The following XKR9 variants were observed in gnomAD, a reference collection of about 807,000 sequenced individuals.
XKR9 encodes the protein XK-related protein 9.
A neutral mutation model predicts 32.0 loss-of-function variants in XKR9; 32 were observed. That is an observed-to-expected ratio of 1.00 (90% CI 0.76 to 1.34). The LOEUF is 1.34. Among genes scored for constraint, XKR9 ranks in the 40% most tolerant of loss-of-function variants. XKR9 has a pLI of 0.00. For missense variants in XKR9, 546 were observed against 429.7 expected (o/e 1.27, Z -2.39); for synonymous variants, 168 against 143.4 (o/e 1.17, Z -1.22).
chr8:70,886,870 G>A, the XKR9 span, among the ~76,000 whole-genome samples: 8 of 152,082 alleles, frequency 5.3e-5, no homozygotes, highest in Non-Finnish European at 8.8e-5. Context: ...CTTTTGCTGA[G>A]CAGAAACTCT....
chr8:70,876,519 C>G, the XKR9 span, among the ~76,000 whole-genome samples: 1 of 151,730 alleles, frequency 6.6e-6, no homozygotes, highest in Non-Finnish European at 1.5e-5. Flanking sequence ...CTGTCCAGTG[C>G]AAAAAATGGT....
In XKR9 at chr8:70,699,099, C is replaced by A. The variant is rs557763321; in HGVS notation, c.273-7834C>A. On this transcript the variant is annotated intron_variant, in intron 3 of 4. Coordinates refer to ENST00000408926, the MANE Select transcript of XKR9 (RefSeq NM_001011720.2). ...GTGTCTCTGCACGTGAGATGGGTTT[C>A]CTGAATACAACACACTGATGGGTCT... is the stretch of plus-strand genomic sequence containing the variant. 7.3e-3 allele frequency among the ~76,000 whole-genome samples: 1,113 copies of A among 152,230 alleles called. 12 individuals are homozygous for A. The highest frequency in any genetic ancestry group is 0.013 in the Non-Finnish European group (857 of 68,018).
intron 2 of XKR9, among the ~76,000 whole-genome samples, chr8:70,770,411 G>A (rs1807437987): frequency 1.3e-5 from 2 of 152,176 alleles, no homozygotes; most frequent in Non-Finnish European, 2.9e-5. Flanking sequence ...CAGTCAGGAG[G>A]CAGTCTGTCT....
the XKR9 span, among the ~76,000 whole-genome samples, chr8:71,062,121 T>C: frequency 6.6e-6 from 1 of 152,164 alleles, no homozygotes; most frequent in African/African-American, 2.4e-5. Flanking sequence ...TCTCAGGCAT[T>C]TACATCTGCG....
At chr8:71,020,035 CTGAA>C in the XKR9 span, among the ~76,000 whole-genome samples, 1 of 152,168 alleles carries the variant, frequency 6.6e-6, no homozygotes, top group African/African-American at 2.4e-5. Context: ...AGGGCATTCA[CTGAA>C]TGCCAAACAT....
the XKR9 span, among the ~76,000 whole-genome samples, chr8:70,829,015 C>G: frequency 6.6e-6 from 1 of 152,138 alleles, no homozygotes; most frequent in Non-Finnish European, 1.5e-5. Context: ...GGAAATTCTC[C>G]CCTTGAGAGT....
the XKR9 span, among the ~76,000 whole-genome samples, chr8:71,019,561 A>C: frequency 2.0e-5 from 3 of 152,144 alleles, no homozygotes; most frequent in African/African-American, 7.2e-5. Context: ...TTTCCTTTAG[A>C]GTCTTTAGGA....
chr8:70,697,852 C>T (rs1401748501), intron 3 of XKR9, among the ~76,000 whole-genome samples: 3 of 152,052 alleles, frequency 2.0e-5, no homozygotes, highest in Non-Finnish European at 4.4e-5. Context: ...ATTATTGCCA[C>T]AATTTCAGCT....
At chr8:70,791,084 A>G (rs1206202343), downstream of XKR9, among the ~76,000 whole-genome samples, 2 of 152,094 alleles carry the variant, frequency 1.3e-5, no homozygotes, top group African/African-American at 4.8e-5. Context: ...CATAAATTTC[A>G]GGGGTGAGAT....
the XKR9 span, among the ~76,000 whole-genome samples, chr8:71,007,431 A>G: frequency 6.6e-6 from 1 of 152,170 alleles, no homozygotes; most frequent in Non-Finnish European, 1.5e-5. Context: ...GAAAAGAATT[A>G]AGGAATAAGA....
chr8:70,742,231 CT>C (rs1025265563), intron 2 of XKR9, among the ~76,000 whole-genome samples: 1 of 152,154 alleles, frequency 6.6e-6, no homozygotes, highest in African/African-American at 2.4e-5. Flanking sequence ...TAATATGTCC[CT>C]TATGCTACTC....
the XKR9 span, among the ~76,000 whole-genome samples, chr8:70,882,718 G>A: frequency 6.6e-6 from 1 of 151,778 alleles, no homozygotes; most frequent in South Asian, 2.1e-4. Context: ...TTAACATAGT[G>A]CACTAGTGTT....
the XKR9 span, among the ~76,000 whole-genome samples, chr8:70,937,322 G>A: frequency 4.5e-4 from 69 of 152,094 alleles, no homozygotes; most frequent in African/African-American, 1.6e-3. Context: ...CAAAATAAAT[G>A]TGAACAAACA....
chr8:70,857,054 A>G, the XKR9 span, among the ~76,000 whole-genome samples: 1 of 152,206 alleles, frequency 6.6e-6, no homozygotes, highest in Non-Finnish European at 1.5e-5. Context: ...TAACATCACA[A>G]TTAAAAGAAC....
At chr8:70,897,426 G>A in the XKR9 span, among the ~76,000 whole-genome samples, 4 of 152,076 alleles carry the variant, frequency 2.6e-5, no homozygotes, top group Non-Finnish European at 5.9e-5. Flanking sequence ...AATCATGGTA[G>A]CTCTATTTTT....
the XKR9 span, among the ~76,000 whole-genome samples, chr8:70,894,789 G>A: frequency 2.6e-5 from 4 of 152,062 alleles, no homozygotes; most frequent in East Asian, 1.9e-4. Context: ...TAGGTGAAAC[G>A]ACTCCACTTC....
At chr8:71,013,982 C>G in the XKR9 span, among the ~76,000 whole-genome samples, 1 of 152,082 alleles carries the variant, frequency 6.6e-6, no homozygotes, top group Non-Finnish European at 1.5e-5. Flanking sequence ...AGAGATAGAC[C>G]TGCCCCGATG....
the XKR9 span, among the ~76,000 whole-genome samples, chr8:70,953,448 A>T: frequency 6.6e-6 from 1 of 152,090 alleles, no homozygotes; most frequent in Non-Finnish European, 1.5e-5. Context: ...AGTAGCTAGG[A>T]CTACAGGTGT....
chr8:70,676,367 G>A (rs1818889323), intron 2 of XKR9, among the ~76,000 whole-genome samples: 1 of 152,162 alleles, frequency 6.6e-6, no homozygotes. Flanking sequence ...TTATATCATT[G>A]TCCTATTAAG....
Sources: gnomAD v4.1 joint callset for allele counts (sites outside exome capture counted in the v4.1 genomes callset) on GRCh38, gnomAD v4.1.1 for gene constraint, MANE v1.5 for transcripts, NCBI Gene and HGNC (gene_info 2026-07-23, HGNC 2026-07-21) for gene names.